The following RANBP17 variants were observed in gnomAD, a reference collection of about 807,000 sequenced individuals.
The protein encoded by RANBP17 is RAN binding protein 17, also known as ran-binding protein 17.
RANBP17 carries 158 observed loss-of-function variants against 141.2 expected under a neutral mutation model. That is an observed-to-expected ratio of 1.12 (90% confidence interval 0.98 to 1.28). RANBP17 has a LOEUF of 1.28. Ranked by LOEUF, RANBP17 falls within the 50% of genes most tolerant of loss-of-function variation. The pLI is 0.00. For synonymous variants in RANBP17, 430 were observed against 450.0 expected (o/e 0.96, Z 0.56); for missense variants, 1,438 against 1,290.7 (o/e 1.11, Z -1.75).
At chr5:170,950,765 A>C (rs970571464) in intron 12 of RANBP17, among the ~76,000 whole-genome samples, 2 of 152,262 alleles carry the variant, frequency 1.3e-5, no homozygotes, top group Middle Eastern at 3.4e-3. Flanking sequence ...GTATGTTAAA[A>C]GAATACCTGT....
chr5:171,020,111 T>C (rs1780747054), intron 14 of RANBP17, among the ~76,000 whole-genome samples: 1 of 152,208 alleles, frequency 6.6e-6, no homozygotes, highest in Non-Finnish European at 1.5e-5. Flanking sequence ...TGAATTCTAA[T>C]TTGATTGCAC....
chr5:171,012,520 T>G (rs1463628725), intron 14 of RANBP17, among the ~76,000 whole-genome samples: 3 of 152,136 alleles, frequency 2.0e-5, no homozygotes, highest in African/African-American at 7.2e-5. Context: ...AAACTAATTT[T>G]GATCAAGATT....
At chr5:170,959,065 G>T (rs9313533) in intron 13 of RANBP17, among the ~76,000 whole-genome samples, 1 of 152,210 alleles carries the variant, frequency 6.6e-6, no homozygotes, top group East Asian at 1.9e-4. Flanking sequence ...TCCAATAATG[G>T]AACACTAGGC....
intron 14 of RANBP17, among the ~76,000 whole-genome samples, chr5:171,135,724 T>C (rs1757229727): frequency 6.6e-6 from 1 of 152,214 alleles, no homozygotes; most frequent in Non-Finnish European, 1.5e-5. Context: ...TTCTCTTTAC[T>C]GGTCAGTTCT....
chr5:171,104,654 C>T (rs1754652543), intron 14 of RANBP17, among the ~76,000 whole-genome samples: 1 of 152,162 alleles, frequency 6.6e-6, no homozygotes, highest in African/African-American at 2.4e-5. Flanking sequence ...TAGTCTCAGT[C>T]ATGCTACTAA....
At chr5:170,954,253 T>C (rs368956386) in intron 13 of RANBP17, among the ~76,000 whole-genome samples, 3 of 152,178 alleles carry the variant, frequency 2.0e-5, no homozygotes, top group African/African-American at 7.2e-5. Flanking sequence ...TATTGAAGAC[T>C]TAAACATTCA....
intron 12 of RANBP17, among the ~76,000 whole-genome samples, chr5:170,929,395 G>A (rs902677310): frequency 6.6e-6 from 1 of 152,096 alleles, no homozygotes; most frequent in African/African-American, 2.4e-5. Context: ...GTTTGAGGAA[G>A]TTCTCTTCAA....
At chr5:170,953,505 C>A in intron 12 of RANBP17, 92 bp from the exon 13 acceptor site, 1 of 747,850 alleles carries the variant, frequency 1.3e-6, no homozygotes, top group Non-Finnish European at 2.3e-6. Flanking sequence ...TTTGGAAGAA[C>A]AGATCATTGT....
chr5:171,053,869 T>G (rs1280441097), intron 14 of RANBP17, among the ~76,000 whole-genome samples: 1 of 119,792 alleles, frequency 8.3e-6, no homozygotes, highest in Non-Finnish European at 1.7e-5. Flanking sequence ...ATCCTGTCAG[T>G]GTTTAGTTCA....
At chr5:171,157,479 TGATGATCTG>T (rs1758989019) in intron 14 of RANBP17, among the ~76,000 whole-genome samples, 1 of 152,246 alleles carries the variant, frequency 6.6e-6, no homozygotes, top group Non-Finnish European at 1.5e-5. Context: ...AAACCCACAC[TGATGATCTG>T]GACTCTTCAG....
At chr5:171,280,433 A>G (rs955128909) in intron 25 of RANBP17, among the ~76,000 whole-genome samples, 1 of 152,112 alleles carries the variant, frequency 6.6e-6, no homozygotes, top group Non-Finnish European at 1.5e-5. Context: ...GTGCATCACC[A>G]CACCCAGCTA....
intron 14 of RANBP17, among the ~76,000 whole-genome samples, chr5:171,038,187 T>TGC (rs1228013370): frequency 3.3e-5 from 5 of 150,944 alleles, no homozygotes; most frequent in African/African-American, 1.2e-4. Context: ...TGTGTGTGTG[T>TGC]GTGTGTGTGC....
At chr5:170,997,225 A>T (rs915862273) in intron 14 of RANBP17, among the ~76,000 whole-genome samples, 1 of 152,166 alleles carries the variant, frequency 6.6e-6, no homozygotes, top group Non-Finnish European at 1.5e-5. Context: ...TTCCCCAGCC[A>T]TGCAGAACTG....
chr5:171,182,097 C>G (rs1760897012), intron 16 of RANBP17, among the ~76,000 whole-genome samples: 1 of 152,146 alleles, frequency 6.6e-6, no homozygotes, highest in African/African-American at 2.4e-5. Flanking sequence ...TGCCCCTGTG[C>G]AGAGGCAATA....
intron 12 of RANBP17, among the ~76,000 whole-genome samples, chr5:170,931,762 C>CTAT (rs1271049298): frequency 6.6e-6 from 1 of 152,086 alleles, no homozygotes; most frequent in African/African-American, 2.4e-5. Context: ...TTCCATTGGT[C>CTAT]TATATCTCTG....
At chr5:171,211,553 T>C (rs970847395) in intron 20 of RANBP17, among the ~76,000 whole-genome samples, 1 of 151,904 alleles carries the variant, frequency 6.6e-6, no homozygotes. Flanking sequence ...TGAGCCACCA[T>C]GCCCGACTTT....
At chr5:171,162,047 A>C (rs1455646822) in intron 14 of RANBP17, among the ~76,000 whole-genome samples, 2 of 152,200 alleles carry the variant, frequency 1.3e-5, no homozygotes, top group Non-Finnish European at 2.9e-5. Context: ...AACTGTCTGA[A>C]ATGCTCTTTC....
At chr5:170,946,117 A>T (rs1561918169) in intron 12 of RANBP17, among the ~76,000 whole-genome samples, 1 of 152,118 alleles carries the variant, frequency 6.6e-6, no homozygotes, top group Non-Finnish European at 1.5e-5. Flanking sequence ...TGCACTTTTA[A>T]ATAGGGACTT....
At chr5:170,970,363 A>C (rs1581269853) in intron 14 of RANBP17, 1 of 151,976 alleles carries the variant, frequency 6.6e-6, no homozygotes, top group South Asian at 2.1e-4. Context: ...GAGCAGTCTC[A>C]TTTAATTGTA....
Sources: allele counts gnomAD v4.1 joint callset (sites outside exome capture counted in the v4.1 genomes callset), GRCh38; gene constraint gnomAD v4.1.1; transcripts MANE v1.5; gene names NCBI Gene and HGNC (gene_info 2026-07-23, HGNC 2026-07-21).